Variants in EFNA5 observed in about 807,000 individuals in gnomAD.
EFNA5 encodes ephrin-A5.
Under a neutral mutation model 22.9 loss-of-function variants are expected in EFNA5, and 5 were observed. The ratio of observed to expected loss-of-function variants is 0.22; its 90% CI spans 0.11 to 0.46. The LOEUF (loss-of-function observed/expected upper bound fraction) is 0.46. Among genes scored for constraint, EFNA5 ranks in the 20% least tolerant of loss-of-function variants. EFNA5 has a pLI of 0.99. For missense variants in EFNA5, 237 were observed against 293.3 expected, an observed-to-expected ratio of 0.81 and a Z score of 1.40; for synonymous variants, 113 against 112.2, an observed-to-expected ratio of 1.01 and a Z score of -0.04.
At chr5:107,497,788 CT>C (rs1747024077) in intron 1 of EFNA5, among the ~76,000 whole-genome samples, 1 of 152,178 alleles carries the variant, frequency 6.6e-6, no homozygotes, top group Non-Finnish European at 1.5e-5. Flanking sequence ...TTTTTCCTTT[CT>C]TCCACAAACT....
chr5:107,398,613 G>C lies in EFNA5; in HGVS notation c.419-10842C>G, dbSNP rs182653834. Among the ~76,000 whole-genome samples the C allele has an allele frequency of 2.2e-3, 329 of 152,142 alleles. 2 individuals are homozygous for C. The highest frequency in any genetic ancestry group is 2.0e-3 in the Non-Finnish European group (139 of 67,990). ...TGTAATCCCAGCATTCGGGAAGGCT[G>C]AGACAGGAGGACTGCTTGAGCCCGA... On this transcript the variant is annotated intron_variant, in intron 2 of 4. Transcript: ENST00000333274.
intron 1 of EFNA5, among the ~76,000 whole-genome samples, chr5:107,568,084 A>T (rs1428630178): frequency 1.3e-5 from 2 of 151,916 alleles, no homozygotes; most frequent in African/African-American, 4.8e-5. Context: ...TTTTGTAGGG[A>T]TGGGGTCTTG....
intron 1 of EFNA5, among the ~76,000 whole-genome samples, chr5:107,586,807 G>T (rs911757023): frequency 3.9e-5 from 6 of 152,164 alleles, no homozygotes; most frequent in Middle Eastern, 3.2e-3. Context: ...AATAATTTAG[G>T]TTAAAAATTA....
chr5:107,658,071 C>T (rs1219856095), intron 1 of EFNA5, among the ~76,000 whole-genome samples: 9 of 152,094 alleles, frequency 5.9e-5, no homozygotes, highest in African/African-American at 9.7e-5. Flanking sequence ...ACAGAAAGAA[C>T]GCATTTTGTC....
At chr5:107,539,293 C>T (rs1747994626) in intron 1 of EFNA5, among the ~76,000 whole-genome samples, 1 of 152,230 alleles carries the variant, frequency 6.6e-6, no homozygotes, top group Admixed American at 6.5e-5. Context: ...CCTGTACACA[C>T]AAGGGATCCC....
intron 2 of EFNA5, among the ~76,000 whole-genome samples, chr5:107,390,975 T>C (rs1747780012): frequency 6.6e-6 from 1 of 152,016 alleles, no homozygotes; most frequent in African/African-American, 2.4e-5. Context: ...CCTGGCCAAC[T>C]TGGCAAAACC....
At chr5:107,478,797 A>G (rs927926672) in intron 1 of EFNA5, among the ~76,000 whole-genome samples, 7 of 152,246 alleles carry the variant, frequency 4.6e-5, no homozygotes, top group African/African-American at 1.7e-4. Flanking sequence ...TCATGCTTCT[A>G]TTTACCATTG....
chr5:107,590,511 C>A (rs1168682615), intron 1 of EFNA5, among the ~76,000 whole-genome samples: 3 of 152,086 alleles, frequency 2.0e-5, no homozygotes, highest in Non-Finnish European at 4.4e-5. Flanking sequence ...GCCTCAGCCT[C>A]CCAAGTAACT....
At chr5:107,485,103 A>C (rs1305498918) in intron 1 of EFNA5, among the ~76,000 whole-genome samples, 1 of 152,198 alleles carries the variant, frequency 6.6e-6, no homozygotes, top group African/African-American at 2.4e-5. Context: ...GGTAGGAAAT[A>C]CAAATCTAAG....
intron 1 of EFNA5, among the ~76,000 whole-genome samples, chr5:107,602,435 C>G (rs970350445): frequency 1.3e-5 from 2 of 152,162 alleles, no homozygotes; most frequent in African/African-American, 4.8e-5. Context: ...AAATCAGAGC[C>G]TATTAAGCCT....
intron 1 of EFNA5, among the ~76,000 whole-genome samples, chr5:107,651,626 C>G (rs909253572): frequency 2.7e-5 from 4 of 146,014 alleles, no homozygotes. Context: ...CCGTTTTACA[C>G]ATTAGACTTT....
chr5:107,466,849 A>G (rs1462689749), intron 1 of EFNA5, among the ~76,000 whole-genome samples: 1 of 152,164 alleles, frequency 6.6e-6, no homozygotes, highest in Non-Finnish European at 1.5e-5. Flanking sequence ...TGATAGCTGG[A>G]GCTGGGGCAA....
chr5:107,427,808 T>C (rs966021581), intron 1 of EFNA5, among the ~76,000 whole-genome samples: 1 of 152,154 alleles, frequency 6.6e-6, no homozygotes, highest in Non-Finnish European at 1.5e-5. Flanking sequence ...TGGAACTCTA[T>C]AGAGGTACTA....
chr5:107,626,906 C>G (rs1750153161), intron 1 of EFNA5, among the ~76,000 whole-genome samples: 2 of 152,110 alleles, frequency 1.3e-5, no homozygotes, highest in Admixed American at 1.3e-4. Context: ...CAGACCATTC[C>G]TCCTTCCTCC....
At chr5:107,471,308 T>C (rs1750135639) in intron 1 of EFNA5, among the ~76,000 whole-genome samples, 1 of 152,140 alleles carries the variant, frequency 6.6e-6, no homozygotes, top group South Asian at 2.1e-4. Context: ...TTGCCTCCAA[T>C]TCCCTCACTC....
intron 1 of EFNA5, among the ~76,000 whole-genome samples, chr5:107,496,220 C>A (rs60040105): frequency 6.7e-6 from 1 of 149,122 alleles, no homozygotes; most frequent in Non-Finnish European, 1.5e-5. Flanking sequence ...TGGCAGGCAC[C>A]TGTAATCCCA....
chr5:107,659,496 C>CTTT (rs550340874), intron 1 of EFNA5, among the ~76,000 whole-genome samples: 1 of 129,268 alleles, frequency 7.7e-6, no homozygotes, highest in South Asian at 2.5e-4. Context: ...TTGGGTTTTC[C>CTTT]TTTTTTTTTT....
At chr5:107,542,570 A>C (rs1301740179) in intron 1 of EFNA5, among the ~76,000 whole-genome samples, 8 of 136,768 alleles carry the variant, frequency 5.8e-5, no homozygotes, top group East Asian at 4.8e-4. Flanking sequence ...GGGTGCGGGG[A>C]GGGGGTAGGT....
intron 1 of EFNA5, among the ~76,000 whole-genome samples, chr5:107,554,800 G>A (rs1210908682): frequency 6.6e-6 from 1 of 152,148 alleles, no homozygotes; most frequent in Non-Finnish European, 1.5e-5. Context: ...GTCTTAAAAA[G>A]GCTATGTACC....
Sources: allele counts gnomAD v4.1 joint callset (sites outside exome capture counted in the v4.1 genomes callset), GRCh38; gene constraint gnomAD v4.1.1; transcripts MANE v1.5; gene names NCBI Gene and HGNC (gene_info 2026-07-23, HGNC 2026-07-21).